PBRM1: variants seen among roughly 807,000 people sequenced by gnomAD.
PBRM1 encodes the protein protein polybromo-1.
PBRM1 carries 27 observed loss-of-function variants against 194.5 expected under a neutral mutation model. The observed-to-expected ratio is 0.14, with a 90% CI of 0.10 to 0.19. The LOEUF is 0.19. Ranked by LOEUF, PBRM1 falls within the 10% of genes least tolerant of loss-of-function variation. PBRM1 has a pLI of 1.00. For synonymous variants in PBRM1, 655 were observed against 693.2 expected (o/e 0.94, Z 0.87); for missense variants, 1,466 against 2,077.2 (o/e 0.71, Z 5.72).
chr3:52,604,029 T>G (rs1026183616), intron 16 of PBRM1, among the ~76,000 whole-genome samples: 4 of 152,226 alleles, frequency 2.6e-5, no homozygotes, highest in African/African-American at 4.8e-5. Context: ...ATCAATCGAT[T>G]CTGGCAGGGG....
chr3:52,553,488 C>CA (rs2081452575), intron 27 of PBRM1, among the ~76,000 whole-genome samples: 1 of 129,002 alleles, frequency 7.8e-6, no homozygotes, highest in Non-Finnish European at 1.7e-5. Flanking sequence ...TAATGTCAGG[C>CA]TTTTTTTTTT....
At position 52,563,496 on chromosome 3, in the gene PBRM1, G is replaced by A; in HGVS notation, c.3876-3C>T. The A allele has an allele frequency of 6.2e-7, 1 of 1,611,246 alleles. No homozygotes were observed. The highest frequency in any genetic ancestry group is 1.1e-5 in the South Asian group (1 of 90,986). On this transcript the variant is annotated splice_region_variant and splice_polypyrimidine_tract_variant and intron_variant, in intron 23 of 29. Transcript: ENST00000296302. ...CCTTCTGAGGAACAATTGGTTTTCTGAAAAAAGTGACATAAAAAACCTAAA... is the reference window on the plus strand; with the variant it reads ...CCTTCTGAGGAACAATTGGTTTTCTAAAAAAAGTGACATAAAAAACCTAAA...
At chr3:52,586,772 A>C in intron 19 of PBRM1, 84 bp from the exon 22 acceptor site, 1 of 925,334 alleles carries the variant, frequency 1.1e-6, no homozygotes, top group Non-Finnish European at 1.6e-6. Flanking sequence ...AAAAAAGCAA[A>C]TAACCAACCA....
intron 5 of PBRM1, among the ~76,000 whole-genome samples, chr3:52,657,190 T>G (rs1289651730): frequency 6.6e-6 from 1 of 152,176 alleles, no homozygotes; most frequent in Non-Finnish European, 1.5e-5. Context: ...GTTTTGGTTT[T>G]GTAAGACTAA....
intron 16 of PBRM1, among the ~76,000 whole-genome samples, chr3:52,606,624 T>C (rs955786304): frequency 6.6e-6 from 1 of 152,206 alleles, no homozygotes; most frequent in Non-Finnish European, 1.5e-5. Context: ...CAGGTATTCA[T>C]TGAATGTGCA....
intron 13 of PBRM1, 120 bp from the exon 16 acceptor site, chr3:52,617,658 A>C (rs2095034804): frequency 1.4e-6 from 1 of 712,740 alleles, no homozygotes; most frequent in Admixed American, 3.1e-5. Context: ...CAATTTATTG[A>C]TTACATATGC....
At chr3:52,615,860 A>C (rs2094924907) in intron 14 of PBRM1, among the ~76,000 whole-genome samples, 2 of 152,260 alleles carry the variant, frequency 1.3e-5, no homozygotes, top group African/African-American at 4.8e-5. Context: ...GGAGAGCAAT[A>C]TCTCAATATC....
upstream of PBRM1, among the ~76,000 whole-genome samples, chr3:52,684,455 C>T (rs531628587): frequency 1.6e-4 from 24 of 151,716 alleles, no homozygotes; most frequent in Non-Finnish European, 3.2e-4. Context: ...TTTAGCAATA[C>T]AATACATGTT....
chr3:52,550,298 T>C (rs541242761), intron 29 of PBRM1, 123 bp downstream of exon 31: 11 of 418,606 alleles, frequency 2.6e-5, no homozygotes. Context: ...TTATGAAATA[T>C]ATAATTTATT....
intron 22 of PBRM1, among the ~76,000 whole-genome samples, chr3:52,571,374 T>A (rs1393069041): frequency 6.9e-6 from 1 of 144,488 alleles, no homozygotes; most frequent in Non-Finnish European, 1.5e-5. Flanking sequence ...ACGTCTGTAA[T>A]CCCAGCACTT....
At chr3:52,564,133 G>A (rs747158451) in exon 23 of PBRM1, 83 of 1,613,348 alleles carry the variant, frequency 5.1e-5, no homozygotes, top group Non-Finnish European at 6.4e-5. Context: ...TCTGCTTGTC[G>A]CTCTCATTGT....
At chr3:52,575,508 CTTTTTTTT>C (rs1177139118) in intron 22 of PBRM1, among the ~76,000 whole-genome samples, 9 of 87,142 alleles carry the variant, frequency 1.0e-4, no homozygotes, top group Admixed American at 5.4e-4. Flanking sequence ...AATCAATTGT[CTTTTTTTT>C]TTTTTTTTTT....
chr3:52,677,409 T>C (rs1278218749), intron 2 of PBRM1, among the ~76,000 whole-genome samples: 7 of 34,864 alleles, frequency 2.0e-4, no homozygotes, highest in Middle Eastern at 0.012. Context: ...CATGCTCGGC[T>C]TTTTTTTTTT....
intron 15 of PBRM1, among the ~76,000 whole-genome samples, chr3:52,612,558 A>C (rs2094692411): frequency 6.6e-6 from 1 of 152,168 alleles, no homozygotes; most frequent in African/African-American, 2.4e-5. Context: ...TCAATGAGTT[A>C]CTGGCATGTG....
chr3:52,652,058 T>C (rs2096509586), intron 5 of PBRM1, among the ~76,000 whole-genome samples: 1 of 152,232 alleles, frequency 6.6e-6, no homozygotes, highest in African/African-American at 2.4e-5. Context: ...AGTGTTATTA[T>C]GCAACTAGCA....
chr3:52,628,598 G>A (rs1026769329), intron 12 of PBRM1, among the ~76,000 whole-genome samples: 2 of 151,940 alleles, frequency 1.3e-5, no homozygotes, highest in Non-Finnish European at 2.9e-5. Context: ...AGCCTCCTGA[G>A]TAGCTGGGAC....
At chr3:52,549,166 C>T (rs1432583513) in intron 29 of PBRM1, among the ~76,000 whole-genome samples, 1 of 151,934 alleles carries the variant, frequency 6.6e-6, no homozygotes, top group Non-Finnish European at 1.5e-5. Flanking sequence ...ATTACAGACA[C>T]CAGACACCAC....
chr3:52,618,560 T>C (rs1576846856), intron 13 of PBRM1, among the ~76,000 whole-genome samples: 1 of 151,674 alleles, frequency 6.6e-6, no homozygotes, highest in South Asian at 2.1e-4. Context: ...AACAGTGAAG[T>C]AGGTAATAAC....
chr3:52,627,503 A>C lies in PBRM1; in HGVS notation c.1444-133T>G, dbSNP rs1023412842. ...ACATGCAGGATGTACAAAATGAAAG[A>C]GTCATTAAACATTTTCAATAACCAA... is the stretch of plus-strand genomic sequence containing the variant. On this transcript the variant is annotated intron_variant, in intron 12 of 29. Coordinates refer to ENST00000296302, the Ensembl canonical transcript of PBRM1. 6.7e-6 allele frequency: 4 copies of C among 597,444 alleles called. No homozygotes were observed. The African/African-American group carries it at 7.4e-5, about 11-fold the overall frequency. 37.0% of individuals were successfully genotyped at this position (597,444 alleles called of 1,614,324 possible). A position where few individuals can be genotyped will look rare whatever the true frequency, so the allele number is the denominator to read the frequency against.
Sources: gnomAD v4.1 joint callset for allele counts (sites outside exome capture counted in the v4.1 genomes callset) on GRCh38, gnomAD v4.1.1 for gene constraint, MANE v1.5 for transcripts, NCBI Gene and HGNC (gene_info 2026-07-23, HGNC 2026-07-21) for gene names.